The following COL14A1 variants were observed in gnomAD, a reference collection of about 807,000 sequenced individuals.
COL14A1 encodes collagen type XIV alpha 1 chain.
Under a neutral mutation model 230.3 loss-of-function variants are expected in COL14A1, and 136 were observed. The ratio of observed to expected loss-of-function variants is 0.59; its 90% CI spans 0.51 to 0.68. The LOEUF (loss-of-function observed/expected upper bound fraction) is 0.68. COL14A1 is among the 30% of genes least tolerant of loss of function. The pLI is 0.00. For missense variants in COL14A1, 1,976 were observed against 2,215.8 expected (o/e 0.89, Z 2.17); for synonymous variants, 792 against 784.1 (o/e 1.01, Z -0.17).
chr8:120,270,265 A>G (rs774790654), intron 26 of COL14A1, 91 bp downstream of exon 26: 41 of 1,288,880 alleles, frequency 3.2e-5, no homozygotes, highest in Non-Finnish European at 4.2e-5. Flanking sequence ...CTATAGGTCA[A>G]GAACTGTAAT....
intron 1 of COL14A1, among the ~76,000 whole-genome samples, chr8:120,144,477 A>G (rs1012224499): frequency 1.3e-5 from 2 of 152,200 alleles, no homozygotes; most frequent in Non-Finnish European, 2.9e-5. Context: ...GAATTGTCAT[A>G]AAGGCAAGGT....
chr8:120,322,194 A>AG (rs200484484), intron 40 of COL14A1, among the ~76,000 whole-genome samples: 3 of 136,002 alleles, frequency 2.2e-5, no homozygotes, highest in African/African-American at 8.3e-5. Flanking sequence ...GGACACAGGG[A>AG]GGGGGAAAAC....
At chr8:120,315,304 A>G (rs1429195809) in intron 38 of COL14A1, among the ~76,000 whole-genome samples, 1 of 146,972 alleles carries the variant, frequency 6.8e-6, no homozygotes, top group Non-Finnish European at 1.5e-5. Flanking sequence ...CAGGAGGCAG[A>G]GGTTGCAGTG....
intron 40 of COL14A1, among the ~76,000 whole-genome samples, chr8:120,321,998 CTA>C (rs1189390446): frequency 6.6e-6 from 1 of 152,066 alleles, no homozygotes; most frequent in East Asian, 1.9e-4. Context: ...CTTTGATAGA[CTA>C]TTGCTGGCAT....
chr8:120,248,581 G>T (rs1434718589), intron 21 of COL14A1, among the ~76,000 whole-genome samples: 1 of 152,204 alleles, frequency 6.6e-6, no homozygotes, highest in Non-Finnish European at 1.5e-5. Flanking sequence ...TGCTGGCTGG[G>T]TGTGGTGGCT....
At position 120,297,506 on chromosome 8, in the gene COL14A1, C is replaced by T; in HGVS notation, c.4237-5C>T. On this transcript the variant is annotated splice_region_variant and splice_polypyrimidine_tract_variant and intron_variant, in intron 34 of 47. Transcript: ENST00000297848. ...TTGAATGACAATTTTCTTTTTAAAT[C>T]ATAGTTCCAGTTACAGATGTTTGAT... The T allele has an allele frequency of 7.0e-7, 1 of 1,427,710 alleles. No individual in the cohort carries two copies. Among genetic ancestry groups the T allele is most frequent in the South Asian group, 1.8e-5 (1 of 54,614 alleles). 88.4% of individuals were successfully genotyped at this position (1,427,710 alleles called of 1,614,324 possible).
At position 120,335,800 on chromosome 8, in the gene COL14A1, G is replaced by A. The variant is rs938331269; in HGVS notation, c.4785+3065G>A. On this transcript the variant is annotated intron_variant, in intron 42 of 47. Transcript: ENST00000297848. ...AGTTTTAAGCACTGGCTTAGGTACGGTTCCTCCACTGCAGTTGTTAGAGAG... is the reference window on the plus strand; with the variant it reads ...AGTTTTAAGCACTGGCTTAGGTACGATTCCTCCACTGCAGTTGTTAGAGAG... 2.0e-5 allele frequency among the ~76,000 whole-genome samples: 3 copies of A among 152,214 alleles called. No homozygotes were observed. In the East Asian group the frequency reaches 5.8e-4, roughly 29 times the overall value.
intron 22 of COL14A1, among the ~76,000 whole-genome samples, chr8:120,252,311 C>T (rs927548777): frequency 6.6e-6 from 1 of 152,098 alleles, no homozygotes; most frequent in Non-Finnish European, 1.5e-5. Context: ...ATACTGTACC[C>T]AATACATAGT....
intron 45 of COL14A1, among the ~76,000 whole-genome samples, chr8:120,364,652 G>T (rs1823343003): frequency 6.6e-6 from 1 of 152,128 alleles, no homozygotes; most frequent in Admixed American, 6.5e-5. Context: ...GAAGGTTAAG[G>T]TGGGCGGATC....
intron 1 of COL14A1, among the ~76,000 whole-genome samples, chr8:120,127,527 T>C (rs1814383422): frequency 6.6e-6 from 1 of 152,202 alleles, no homozygotes; most frequent in Non-Finnish European, 1.5e-5. Context: ...TTCAGAGAAC[T>C]CTTGGGGCCC....
intron 45 of COL14A1, among the ~76,000 whole-genome samples, chr8:120,362,603 G>A (rs570652167): frequency 1.3e-3 from 193 of 152,260 alleles, no homozygotes; most frequent in Non-Finnish European, 2.0e-3. Context: ...AACCTGAAGT[G>A]GTTTCTAATG....
Position 120,226,617 on chromosome 8 carries a change from C to T in COL14A1, c.1865-10C>T, listed in dbSNP as rs773948376. On this transcript the variant is annotated splice_polypyrimidine_tract_variant and intron_variant, in intron 15 of 47. Coordinates refer to ENST00000297848, the MANE Select transcript of COL14A1 (RefSeq NM_021110.4). ...ATTTCCCTAACAAAACCTCCTTCCTCGGTTTACAGAGGAAGTTCCAGCCCA... is the reference window on the plus strand; with the variant it reads ...ATTTCCCTAACAAAACCTCCTTCCTTGGTTTACAGAGGAAGTTCCAGCCCA... 8 of 1,611,946 alleles carry T rather than the reference C, an allele frequency of 5.0e-6. No individual in the cohort carries two copies. The highest frequency in any genetic ancestry group is 2.2e-5 in the East Asian group (1 of 44,860).
chr8:120,183,923 G>T (rs550499503), intron 5 of COL14A1, among the ~76,000 whole-genome samples: 1 of 152,100 alleles, frequency 6.6e-6, no homozygotes, highest in African/African-American at 2.4e-5. Flanking sequence ...AATGGTTCAG[G>T]CTCTGGAGTT....
chr8:120,365,307 C>T (rs191581808), intron 45 of COL14A1, among the ~76,000 whole-genome samples: 4 of 152,238 alleles, frequency 2.6e-5, no homozygotes, highest in African/African-American at 7.2e-5. Flanking sequence ...GATCCTGCAC[C>T]GTGAGGTCGT....
chr8:120,199,004 A>C (rs1441787445), intron 7 of COL14A1, among the ~76,000 whole-genome samples: 1 of 152,186 alleles, frequency 6.6e-6, no homozygotes, highest in African/African-American at 2.4e-5. Flanking sequence ...AAAAACAAAG[A>C]GAGGGATTTT....
At chr8:120,253,544 A>G (rs1819043341) in intron 22 of COL14A1, among the ~76,000 whole-genome samples, 1 of 152,234 alleles carries the variant, frequency 6.6e-6, no homozygotes, top group South Asian at 2.1e-4. Flanking sequence ...AGCAAAAGAA[A>G]ATCTCCCACA....
intron 42 of COL14A1, among the ~76,000 whole-genome samples, chr8:120,338,156 T>C (rs1822149011): frequency 6.6e-6 from 1 of 152,234 alleles, no homozygotes; most frequent in Non-Finnish European, 1.5e-5. Context: ...AAAAAATGTA[T>C]TGGTGCAGAA....
At chr8:120,260,091 T>G (rs963790046) in intron 23 of COL14A1, among the ~76,000 whole-genome samples, 1 of 152,172 alleles carries the variant, frequency 6.6e-6, no homozygotes, top group Admixed American at 6.5e-5. Flanking sequence ...TTGACACTAT[T>G]TACTTTGAAC....
At chr8:120,331,047 A>G (rs1250472925) in intron 40 of COL14A1, among the ~76,000 whole-genome samples, 1 of 148,280 alleles carries the variant, frequency 6.7e-6, no homozygotes, top group Non-Finnish European at 1.5e-5. Context: ...GGAAGTTGCG[A>G]TGAGCCAAGA....
Sources: gnomAD v4.1 joint callset for allele counts (sites outside exome capture counted in the v4.1 genomes callset) on GRCh38, gnomAD v4.1.1 for gene constraint, MANE v1.5 for transcripts, NCBI Gene and HGNC (gene_info 2026-07-23, HGNC 2026-07-21) for gene names.